The following ANKS3 variants were observed in gnomAD, a reference collection of about 807,000 sequenced individuals.
ANKS3 encodes the protein ankyrin repeat and SAM domain-containing protein 3.
In ANKS3, 62 loss-of-function variants were observed where a neutral mutation model predicts 80.7. The ratio of observed to expected loss-of-function variants is 0.77; its 90% CI spans 0.63 to 0.95. The LOEUF (loss-of-function observed/expected upper bound fraction) is 0.95, where lower values mean the gene tolerates loss of function less well. Ranked by LOEUF, ANKS3 falls within the 40% of genes least tolerant of loss-of-function variation. The pLI, the probability that ANKS3 is intolerant of heterozygous loss-of-function variation, is 0.00. For missense variants in ANKS3, 1,150 were observed against 883.6 expected, an observed-to-expected ratio of 1.30 and a Z score of -3.82; for synonymous variants, 489 against 355.3, an observed-to-expected ratio of 1.38 and a Z score of -4.23.
Position 4,726,995 on chromosome 16 carries a change from G to A in ANKS3, c.353C>T (p.Ala118Val). The A allele has an allele frequency of 4.3e-6, 7 of 1,614,112 alleles. No homozygotes were observed. The highest frequency in any genetic ancestry group is 1.1e-5 in the South Asian group (1 of 91,082). Reference sequence around the variant, plus strand: ...GTAGCTCACCTGGAGAAGAAAGTAGGCGATGCTCTCGTTGCCACAGCTGGA... The same window carrying A: ...GTAGCTCACCTGGAGAAGAAAGTAGACGATGCTCTCGTTGCCACAGCTGGA... Reference protein sequence around the residue: ...LASSCGNESIAYFLLQQGAEL... With the variant: ...LASSCGNESIVYFLLQQGAEL... The change falls in exon 4 of 18, where the codon GCC (alanine) becomes GTC (valine). Residue 118 changes from alanine to valine, a missense_variant. Ala to Val is a moderately conservative substitution (Grantham distance 64). Transcript: ENST00000304283.
rs2079888674 is a variant in ANKS3 at position 4,701,296 on chromosome 16, G to A, written c.1119+138C>T. The A allele has an allele frequency of 1.2e-5, 16 of 1,359,194 alleles. No individual in the cohort carries two copies. In the South Asian group the frequency reaches 2.0e-4, roughly 17 times the overall value. 84.2% of individuals were successfully genotyped at this position (1,359,194 alleles called of 1,614,324 possible). On this transcript the variant is annotated intron_variant, in intron 10 of 17. Coordinates refer to ENST00000304283, the MANE Select transcript of ANKS3 (RefSeq NM_133450.4). Reference sequence around the variant, plus strand: ...GCTGTCGTCTGAGAAGCCAGACCCTGGACACAGCACGTCCCAGTGCAGCAC... The same window carrying A: ...GCTGTCGTCTGAGAAGCCAGACCCTAGACACAGCACGTCCCAGTGCAGCAC...
In ANKS3 at chr16:4,696,718, GGCCCGAGCTGCCGA is replaced by G; in HGVS notation, c.*176_*189del. ...GAGGCCCTCGTCCCGCCTCAGTGCT[GGCCCGAGCTGCCGA>G]GCCAGGGCCGCAGCCCCCGTCTTGC... is the stretch of plus-strand genomic sequence containing the variant. On this transcript the variant is annotated 3_prime_UTR_variant, in exon 18 of 18. Transcript: ENST00000304283. The G allele has an allele frequency of 4.2e-6, 2 of 473,540 alleles. No individual in the cohort carries two copies. Among genetic ancestry groups the G allele is most frequent in the East Asian group, 8.0e-5 (2 of 25,124 alleles). The allele number at this position is 473,540 out of a possible 1,614,324, so 29.3% of individuals were successfully genotyped here. A position where few individuals can be genotyped will look rare whatever the true frequency, so the allele number is the denominator to read the frequency against.
intron 2 of ANKS3, among the ~76,000 whole-genome samples, chr16:4,730,458 A>G (rs994837334): frequency 6.6e-6 from 1 of 151,936 alleles, no homozygotes; most frequent in Non-Finnish European, 1.5e-5. Flanking sequence ...TTCTCCACCA[A>G]CTCTAGGAAC....
At chr16:4,716,230 G>T (rs865932689) in intron 6 of ANKS3, among the ~76,000 whole-genome samples, 4 of 151,506 alleles carry the variant, frequency 2.6e-5, no homozygotes, top group African/African-American at 9.7e-5. Context: ...CGTGGTGGTG[G>T]GCACCTGCAG....
chr16:4,732,061 G>A (rs991820982), intron 1 of ANKS3, among the ~76,000 whole-genome samples: 5 of 152,162 alleles, frequency 3.3e-5, no homozygotes, highest in African/African-American at 1.2e-4. Flanking sequence ...TGACAGCCAA[G>A]ATGGCTAAAG....
chr16:4,698,611 T>TG lies in ANKS3; in HGVS notation c.1552-13dup, dbSNP rs750766448. The TG allele has an allele frequency of 7.8e-6, 12 of 1,542,612 alleles. No homozygotes were observed. The highest frequency in any genetic ancestry group is 2.4e-4 in the Middle Eastern group (1 of 4,234). ...ACCTCCTCGCAGCGCTGCAGGGGGG[T>TG]GGGGGGCGCGGGGAGGCTGGGAGGT... On this transcript the variant is annotated splice_polypyrimidine_tract_variant and intron_variant, in intron 13 of 17. Coordinates refer to ENST00000304283, the MANE Select transcript of ANKS3 (RefSeq NM_133450.4).
At chr16:4,717,846 A>G (rs2080881135) in intron 6 of ANKS3, among the ~76,000 whole-genome samples, 1 of 151,370 alleles carries the variant, frequency 6.6e-6, no homozygotes. Flanking sequence ...CCCAGGCTGG[A>G]GTGCAATGGC....
chr16:4,697,277 T>C (rs757084050), intron 16 of ANKS3, 56 bp downstream of exon 16: 61 of 1,560,428 alleles, frequency 3.9e-5, no homozygotes, highest in Non-Finnish European at 5.2e-5. Flanking sequence ...AAGGGGTCCC[T>C]TTGCCTCCCT....
At chr16:4,702,424 G>A (rs544381712) in intron 8 of ANKS3, among the ~76,000 whole-genome samples, 182 bp from the exon 9 acceptor site, 31 of 152,326 alleles carry the variant, frequency 2.0e-4, no homozygotes, top group African/African-American at 6.7e-4. Flanking sequence ...TCAGTCAGTG[G>A]CCCAAGCAAG....
intron 6 of ANKS3, among the ~76,000 whole-genome samples, chr16:4,722,385 C>T (rs1372875744): frequency 2.0e-5 from 3 of 151,508 alleles, no homozygotes; most frequent in African/African-American, 7.3e-5. Flanking sequence ...TCGAGACCAT[C>T]CTGGCTAACA....
At chr16:4,704,982 C>T (rs1404437065) in intron 8 of ANKS3, 113 bp downstream of exon 8, 4 of 1,410,538 alleles carry the variant, frequency 2.8e-6, no homozygotes, top group African/African-American at 2.9e-5. Context: ...GTCCCGCTGC[C>T]ACCTGAGGTC....
intron 11 of ANKS3, 166 bp from the exon 12 acceptor site, chr16:4,699,342 G>C: frequency 1.1e-6 from 1 of 915,966 alleles, no homozygotes; most frequent in South Asian, 1.6e-5. Context: ...AGGCAGGGCA[G>C]GATGTTGCAG....
chr16:4,730,157 G>A lies in ANKS3; in HGVS notation c.-2-6C>T, dbSNP rs1385159149. On this transcript the variant is annotated splice_polypyrimidine_tract_variant and splice_region_variant and intron_variant, in intron 2 of 17. Coordinates refer to ENST00000304283, the MANE Select transcript of ANKS3 (RefSeq NM_133450.4). ...ATCGCTGAGCTCGGACATCACTGAG[G>A]AGGAAGGCCCAAGGGTTAGATCTTT... 5.2e-6 allele frequency: 8 copies of A among 1,526,906 alleles called. No individual in the cohort carries two copies. Among genetic ancestry groups the A allele is most frequent in the Non-Finnish European group, 7.1e-6 (8 of 1,129,758 alleles). 94.6% of individuals were successfully genotyped at this position (1,526,906 alleles called of 1,614,324 possible).
chr16:4,726,129 C>G lies in ANKS3; in HGVS notation c.491+530G>C, dbSNP rs898609216. ...TAGCTGGGACTACAGGCGCCCGTCA[C>G]CATGCCCAGCTAATTTTTTCGTATT... is the stretch of plus-strand genomic sequence containing the variant. On this transcript the variant is annotated intron_variant, in intron 5 of 17. Transcript: ENST00000304283. 1.3e-5 allele frequency among the ~76,000 whole-genome samples: 2 copies of G among 151,850 alleles called. 1 individual carries two copies. The highest frequency in any genetic ancestry group is 4.1e-4 in the South Asian group (2 of 4,822).
chr16:4,730,307 T>A (rs1040292669), intron 2 of ANKS3, 156 bp from the exon 3 acceptor site: 2 of 649,000 alleles, frequency 3.1e-6, no homozygotes, highest in Non-Finnish European at 2.3e-6. Flanking sequence ...TTTGCTGAAA[T>A]AATGTATGCT....
rs372527213 is a variant in ANKS3 at position 4,716,775 on chromosome 16, G to T, written c.574-2589C>A. On this transcript the variant is annotated intron_variant, in intron 6 of 17. Transcript: ENST00000304283. ...ACTAAAAAATACAAAAATTAGCCAG[G>T]TGTGGTGGTGCGTGCCTGTATCCCA... Among the ~76,000 whole-genome samples the T allele has an allele frequency of 7.2e-5, 11 of 151,876 alleles. No individual in the cohort carries two copies. The East Asian group carries it at 1.4e-3, about 19-fold the overall frequency.
intron 6 of ANKS3, among the ~76,000 whole-genome samples, chr16:4,720,037 C>T (rs1331191049): frequency 6.7e-6 from 1 of 149,392 alleles, no homozygotes; most frequent in East Asian, 1.9e-4. Context: ...TGGCACACAC[C>T]TGGAATCCCA....
At position 4,734,080 on chromosome 16, in the gene ANKS3, C is replaced by T. The variant is rs893582287; in HGVS notation, c.-213G>A. 8.3e-6 allele frequency: 8 copies of T among 962,174 alleles called. No homozygotes were observed. Among genetic ancestry groups the T allele is most frequent in the Non-Finnish European group, 9.9e-6 (8 of 808,772 alleles). The allele number at this position is 962,174 out of a possible 1,614,324, so 59.6% of individuals were successfully genotyped here. ...AGTCACGCGGCGAGCAAGTGCAGCG[C>T]GGGACGCCCGAGCGCCGGGTCTAGG... is the stretch of plus-strand genomic sequence containing the variant. On this transcript the variant is annotated 5_prime_UTR_variant, in exon 1 of 18. Transcript: ENST00000304283.
intron 7 of ANKS3, among the ~76,000 whole-genome samples, chr16:4,712,629 A>G (rs1032763419): frequency 6.6e-6 from 1 of 152,182 alleles, no homozygotes; most frequent in Non-Finnish European, 1.5e-5. Context: ...CCTGTAAAAC[A>G]CCACTCAGGA....
Sources: gnomAD v4.1 joint callset for allele counts (sites outside exome capture counted in the v4.1 genomes callset) on GRCh38, gnomAD v4.1.1 for gene constraint, MANE v1.5 for transcripts, NCBI Gene and HGNC (gene_info 2026-07-23, HGNC 2026-07-21) for gene names.